Variants in TFG observed in about 807,000 individuals in gnomAD.
TFG encodes the protein protein TFG.
Under a neutral mutation model 51.4 loss-of-function variants are expected in TFG, and 22 were observed. The observed-to-expected ratio is 0.43, with a 90% CI of 0.31 to 0.61. TFG has a LOEUF of 0.61. TFG is among the 20% of genes least tolerant of loss of function. TFG has a pLI of 0.12. For missense variants in TFG, 419 were observed against 487.7 expected (o/e 0.86, Z 1.33); for synonymous variants, 187 against 165.6 (o/e 1.13, Z -0.99).
chr3:100,728,199 A>G (rs886217741), intron 3 of TFG, among the ~76,000 whole-genome samples: 2 of 152,124 alleles, frequency 1.3e-5, no homozygotes, highest in African/African-American at 4.8e-5. Flanking sequence ...TTTTTTCAAG[A>G]CAAAGTTATG....
At chr3:100,724,966 C>T (rs1002468913) in intron 3 of TFG, among the ~76,000 whole-genome samples, 1 of 152,172 alleles carries the variant, frequency 6.6e-6, no homozygotes, top group African/African-American at 2.4e-5. Context: ...GGCAGTGGTG[C>T]GATCTCAGCT....
At position 100,748,706 on chromosome 3, in the gene TFG, GAA is replaced by G; in HGVS notation, c.*177_*178del. 1.3e-6 allele frequency: 1 copy of G among 751,534 alleles called. No homozygotes were observed. Among genetic ancestry groups the G allele is most frequent in the East Asian group, 2.9e-5 (1 of 34,960 alleles). 46.6% of individuals were successfully genotyped at this position (751,534 alleles called of 1,614,324 possible). On this transcript the variant is annotated 3_prime_UTR_variant, in exon 8 of 8. Coordinates refer to ENST00000240851, the MANE Select transcript of TFG (RefSeq NM_006070.6). ...TTTGCTGGAACACAAAGACCAAAAT[GAA>G]AGTTTTTTCCTCCCTGCTTAAAAAT...
In TFG at chr3:100,713,822, G is replaced by A; in HGVS notation, c.137G>A (p.Gly46Glu). Residue 46 changes from glycine (G) to glutamate (E), a missense_variant, in exon 2 of 8, where the codon GGA becomes GAA. Transcript: ENST00000240851. The part of the protein sequence containing the change: ...LVLMMQRVFR[G>E]KLLSNDEVTI... The stretch of plus-strand genomic sequence containing the variant: ...CTAATGATGCAACGAGTTTTCAGAG[G>A]AAAACTTCTGAGTAATGATGAAGTA... The A allele has an allele frequency of 6.3e-7, 1 of 1,581,232 alleles. No individual in the cohort carries two copies.
At chr3:100,715,309 C>T (rs568374347) in intron 2 of TFG, among the ~76,000 whole-genome samples, 2 of 152,316 alleles carry the variant, frequency 1.3e-5, no homozygotes, top group South Asian at 2.1e-4. Flanking sequence ...CATTGGCAAG[C>T]AGATGAGTGA....
In TFG at chr3:100,713,923, AAGAC is replaced by A. The variant is rs369922274; in HGVS notation, c.184+58_184+61del. 1.5e-3 allele frequency: 1,805 copies of A among 1,192,902 alleles called. 6 individuals are homozygous for A. Among genetic ancestry groups the A allele is most frequent in the South Asian group, 0.013 (702 of 52,068 alleles). 73.9% of individuals were successfully genotyped at this position (1,192,902 alleles called of 1,614,324 possible). On this transcript the variant is annotated intron_variant, in intron 2 of 7. Coordinates refer to ENST00000240851, the MANE Select transcript of TFG (RefSeq NM_006070.6). ...AAGTCTTTTTAAAAAAAAAAAAAAA[AAGAC>A]AGAGCCTCTGTTGCCCAGGCTGGAG...
intron 2 of TFG, among the ~76,000 whole-genome samples, chr3:100,714,918 G>C (rs1189836062): frequency 6.6e-6 from 1 of 152,248 alleles, no homozygotes; most frequent in Admixed American, 6.5e-5. Context: ...GTAGTAGACT[G>C]TATTTCCTAT....
chr3:100,745,886 G>GC (rs2095133511), intron 7 of TFG, among the ~76,000 whole-genome samples: 1 of 152,132 alleles, frequency 6.6e-6, no homozygotes, highest in African/African-American at 2.4e-5. Flanking sequence ...TTGAGTAGTT[G>GC]CAACAGAAGA....
intron 2 of TFG, 38 bp downstream of exon 2, chr3:100,713,907 T>TAAAA: frequency 2.2e-6 from 2 of 898,900 alleles, no homozygotes; most frequent in Non-Finnish European, 1.5e-6. Flanking sequence ...AAAGTCTTTT[T>TAAAA]AAAAAAAAAA....
At position 100,748,436 on chromosome 3, in the gene TFG, A is replaced by T. The variant is rs1248707373; in HGVS notation, c.1108A>T (p.Thr370Ser). Residue 370 changes from threonine (T) to serine (S), a missense_variant, in exon 8 of 8, where the codon ACC becomes TCC. Thr to Ser is a moderately conservative substitution (Grantham distance 58). Around this residue, in one of 3 missense-constraint regions of TFG, gnomAD observed 391 missense variants for 434.4 expected, o/e 0.90. Transcript: ENST00000240851. ...AGGTTTTACTTCACTTCCTGGAAGTACCATGACCCCTCCTCCAAGTGGGCC... is the reference window on the plus strand; with the variant it reads ...AGGTTTTACTTCACTTCCTGGAAGTTCCATGACCCCTCCTCCAAGTGGGCC... ...RPGFTSLPGS[T>S]MTPPPSGPNP... 1 of 1,614,144 alleles carries T rather than the reference A, an allele frequency of 6.2e-7. No homozygotes were observed. The highest frequency in any genetic ancestry group is 1.7e-5 in the Admixed American group (1 of 60,018).
chr3:100,747,729 G>A (rs747995643), intron 7 of TFG, among the ~76,000 whole-genome samples: 64 of 152,074 alleles, frequency 4.2e-4, no homozygotes, highest in Non-Finnish European at 8.4e-4. Flanking sequence ...ACAATAAGAT[G>A]TATTTATAGT....
At chr3:100,728,937 G>A (rs1041268865) in intron 4 of TFG, 79 bp downstream of exon 4, 19 of 1,265,462 alleles carry the variant, frequency 1.5e-5, no homozygotes, top group Non-Finnish European at 2.1e-5. Context: ...TTTTAAGTAG[G>A]AGAAGGATGG....
intron 3 of TFG, among the ~76,000 whole-genome samples, chr3:100,722,641 A>G (rs907324111): frequency 6.6e-6 from 1 of 152,236 alleles, no homozygotes; most frequent in Non-Finnish European, 1.5e-5. Context: ...CAGAGAGAAT[A>G]AGACTGATCA....
intron 1 of TFG, among the ~76,000 whole-genome samples, chr3:100,712,409 G>T (rs1374194951): frequency 6.6e-6 from 1 of 152,216 alleles, no homozygotes; most frequent in East Asian, 1.9e-4. Flanking sequence ...GCAGAAAGCT[G>T]CTAGTAGTAA....
chr3:100,714,362 G>A (rs568797625), intron 2 of TFG, among the ~76,000 whole-genome samples: 4 of 152,032 alleles, frequency 2.6e-5, no homozygotes, highest in Non-Finnish European at 5.9e-5. Flanking sequence ...TTAGCTGGGC[G>A]TGGTGGTGTG....
chr3:100,744,883 C>G lies in TFG; in HGVS notation c.772C>G (p.Pro258Ala). The change falls in exon 7 of 8, where the codon CCG becomes GCG. Residue 258 changes from proline to alanine, a missense_variant. Around this residue, in one of 3 missense-constraint regions of TFG, gnomAD observed 391 missense variants for 434.4 expected, o/e 0.90. Transcript: ENST00000240851. Reference protein sequence around the residue: ...QQQAGYGAQQPQAPPQQPQQY... With the variant: ...QQQAGYGAQQAQAPPQQPQQY... Reference sequence around the variant, plus strand: ...ACAGGCCGGCTATGGTGCACAGCAGCCGCAGGCTCCACCTCAGCAGCCTCA... The same window carrying G: ...ACAGGCCGGCTATGGTGCACAGCAGGCGCAGGCTCCACCTCAGCAGCCTCA... 1.2e-6 allele frequency: 2 copies of G among 1,613,666 alleles called. No individual in the cohort carries two copies. The highest frequency in any genetic ancestry group is 2.2e-5 in the South Asian group (2 of 91,030).
intron 5 of TFG, among the ~76,000 whole-genome samples, chr3:100,734,670 G>A (rs2095101735): frequency 6.6e-6 from 1 of 152,002 alleles, no homozygotes; most frequent in South Asian, 2.1e-4. Context: ...GATTTACTTT[G>A]CCTTTATCAG....
intron 6 of TFG, among the ~76,000 whole-genome samples, chr3:100,738,983 CAT>C (rs1276917039): frequency 6.6e-6 from 1 of 152,164 alleles, no homozygotes; most frequent in Non-Finnish European, 1.5e-5. Context: ...CAACAAACAA[CAT>C]ATCACATTTC....
upstream of TFG, chr3:100,709,325 T>C (rs1423034385): frequency 1.3e-5 from 2 of 152,238 alleles, no homozygotes; most frequent in African/African-American, 2.4e-5. Flanking sequence ...TCGGGGCAGC[T>C]CACGCTTCCT....
chr3:100,747,770 C>T (rs2095145772), intron 7 of TFG, among the ~76,000 whole-genome samples: 1 of 152,138 alleles, frequency 6.6e-6, no homozygotes. Context: ...TCATTCTCCG[C>T]AATGTGTTTT....
Sources: gnomAD v4.1 joint callset for allele counts (sites outside exome capture counted in the v4.1 genomes callset) on GRCh38, gnomAD v4.1.1 for gene constraint, gnomAD v4.1.1 regional missense constraint, MANE v1.5 for transcripts, NCBI Gene and HGNC (gene_info 2026-07-23, HGNC 2026-07-21) for gene names.